The following CUX1 variants were observed in gnomAD, a reference collection of about 807,000 sequenced individuals.
CUX1 encodes the protein cut like homeobox 1.
In CUX1, 31 loss-of-function variants were observed where a neutral mutation model predicts 158.8. The ratio of observed to expected loss-of-function variants is 0.20; its 90% CI spans 0.15 to 0.26. CUX1 has a LOEUF of 0.26. Among genes scored for constraint, CUX1 ranks in the 10% least tolerant of loss-of-function variants. The pLI, the probability that CUX1 is intolerant of heterozygous loss-of-function variation, is 1.00. For missense variants in CUX1, 1,589 were observed against 2,014.6 expected, an observed-to-expected ratio of 0.79 and a Z score of 4.04; for synonymous variants, 879 against 862.1, an observed-to-expected ratio of 1.02 and a Z score of -0.34.
At chr7:101,925,374 G>A (rs141907502) in intron 2 of CUX1, among the ~76,000 whole-genome samples, 1 of 152,198 alleles carries the variant, frequency 6.6e-6, no homozygotes, top group Non-Finnish European at 1.5e-5. Flanking sequence ...GCCTCCTAAA[G>A]TGTTGGGATT....
chr7:101,913,789 T>C (rs1006700318), intron 1 of CUX1, among the ~76,000 whole-genome samples: 23 of 152,294 alleles, frequency 1.5e-4, no homozygotes, highest in African/African-American at 5.1e-4. Context: ...GTTCTTTTTG[T>C]TTTTCTCCTA....
At chr7:102,162,826 T>C (rs986586688) in intron 9 of CUX1, among the ~76,000 whole-genome samples, 1 of 152,148 alleles carries the variant, frequency 6.6e-6, no homozygotes, top group Admixed American at 6.5e-5. Flanking sequence ...AGGAAGCTTA[T>C]TCCCAGTGGT....
chr7:102,146,742 C>T (rs1835066023), intron 8 of CUX1, among the ~76,000 whole-genome samples: 4 of 151,954 alleles, frequency 2.6e-5, no homozygotes, highest in African/African-American at 7.3e-5. Flanking sequence ...GGATTACAGG[C>T]GCACGCCACC....
intron 2 of CUX1, among the ~76,000 whole-genome samples, chr7:101,992,645 A>G (rs963388651): frequency 7.2e-5 from 11 of 152,076 alleles, no homozygotes; most frequent in African/African-American, 2.7e-4. Flanking sequence ...ATCTTATTTC[A>G]GTTTGGTTAG....
At chr7:101,981,872 A>G (rs1406460441) in intron 2 of CUX1, among the ~76,000 whole-genome samples, 1 of 152,118 alleles carries the variant, frequency 6.6e-6, no homozygotes, top group African/African-American at 2.4e-5. Flanking sequence ...GGCCTCCCAA[A>G]GTGCTGGGAT....
intron 9 of CUX1, among the ~76,000 whole-genome samples, chr7:102,164,570 A>G (rs1260382974): frequency 3.3e-5 from 5 of 152,230 alleles, no homozygotes; most frequent in African/African-American, 1.2e-4. Flanking sequence ...TGGAAACCAC[A>G]GCTGACCCTC....
chr7:102,195,162 C>G (rs1206562444), intron 13 of CUX1, among the ~76,000 whole-genome samples: 1 of 150,372 alleles, frequency 6.7e-6, no homozygotes, highest in East Asian at 1.9e-4. Context: ...AACGTTCGGA[C>G]AGACGTTTGT....
intron 9 of CUX1, among the ~76,000 whole-genome samples, chr7:102,164,597 C>T (rs1224331435): frequency 6.6e-6 from 1 of 152,210 alleles, no homozygotes; most frequent in Non-Finnish European, 1.5e-5. Flanking sequence ...GAGAGTGGGT[C>T]TCCATGGAGG....
At position 102,252,065 on chromosome 7, in the gene CUX1, A is replaced by G. The variant is rs1039225955; in HGVS notation, c.*3023A>G. On this transcript the variant is annotated 3_prime_UTR_variant, in exon 24 of 24. Coordinates refer to ENST00000292535, the MANE Select transcript of CUX1 (RefSeq NM_181552.4). ...CAGACTTACATCTGGTGCCAGATAC[A>G]ATCAGTTGGTTAAATTTTGCTTGCA... 3.0e-6 allele frequency: 3 copies of G among 985,194 alleles called. No homozygotes were observed. The highest frequency in any genetic ancestry group is 6.2e-5 in the Admixed American group (1 of 16,256). 61.0% of individuals were successfully genotyped at this position (985,194 alleles called of 1,614,324 possible).
At chr7:102,278,980 C>A (rs1791839866) in intron 18 of CUX1, among the ~76,000 whole-genome samples, 1 of 152,006 alleles carries the variant, frequency 6.6e-6, no homozygotes, top group African/African-American at 2.4e-5. Context: ...GTACAGGCTG[C>A]AGTGAGCTGA....
At chr7:101,855,771 G>A (rs1194293216) in intron 1 of CUX1, among the ~76,000 whole-genome samples, 7 of 151,940 alleles carry the variant, frequency 4.6e-5, no homozygotes, top group Non-Finnish European at 8.8e-5. Flanking sequence ...CCAGCTACTC[G>A]GGAGGCTGAG....
chr7:102,101,089 A>C (rs2130945292), intron 5 of CUX1, among the ~76,000 whole-genome samples: 1 of 152,330 alleles, frequency 6.6e-6, no homozygotes, highest in East Asian at 1.9e-4. Context: ...CCACCAAGCC[A>C]TTCATGAGGG....
intron 2 of CUX1, among the ~76,000 whole-genome samples, chr7:101,978,930 G>C (rs1226269404): frequency 6.6e-6 from 1 of 152,164 alleles, no homozygotes; most frequent in Non-Finnish European, 1.5e-5. Context: ...CAGAGCCCGG[G>C]GTATCATAGG....
chr7:101,933,916 A>G (rs558065809), intron 2 of CUX1, among the ~76,000 whole-genome samples: 5 of 152,202 alleles, frequency 3.3e-5, no homozygotes, highest in Non-Finnish European at 7.3e-5. Flanking sequence ...TCTGTTTTCT[A>G]TCATCAAAGT....
downstream of CUX1, chr7:102,258,339 C>A: frequency 3.5e-6 from 1 of 285,192 alleles, no homozygotes; most frequent in Non-Finnish European, 5.3e-6. Context: ...TTCCCGAGGT[C>A]GTCCCCTTTG....
chr7:102,025,575 C>T (rs1199742670), intron 2 of CUX1, among the ~76,000 whole-genome samples: 2 of 152,032 alleles, frequency 1.3e-5, no homozygotes, highest in East Asian at 3.9e-4. Context: ...TTACAGTGAG[C>T]CGAGATCATG....
chr7:101,881,195 C>G (rs1373008883), intron 1 of CUX1, among the ~76,000 whole-genome samples: 1 of 152,198 alleles, frequency 6.6e-6, no homozygotes, highest in South Asian at 2.1e-4. Flanking sequence ...TACTGTCTGT[C>G]TCGCTCACCG....
intron 2 of CUX1, among the ~76,000 whole-genome samples, chr7:101,973,024 G>A (rs1206215685): frequency 6.6e-6 from 1 of 152,118 alleles, no homozygotes; most frequent in East Asian, 1.9e-4. Context: ...AATGACACTC[G>A]GGTTTTAGAG....
At chr7:102,263,882 G>A (rs970674457) in intron 14 of CUX1, among the ~76,000 whole-genome samples, 28 of 151,620 alleles carry the variant, frequency 1.8e-4, no homozygotes, top group East Asian at 1.9e-4. Context: ...TAGTAGAGAC[G>A]GGGTTCACCA....
Sources: allele counts gnomAD v4.1 joint callset (sites outside exome capture counted in the v4.1 genomes callset), GRCh38; gene constraint gnomAD v4.1.1; transcripts MANE v1.5; gene names NCBI Gene and HGNC (gene_info 2026-07-23, HGNC 2026-07-21).